Variants in SCAF8 observed in about 807,000 individuals in gnomAD.
SCAF8 encodes the protein SR-related CTD associated factor 8.
SCAF8 carries 23 observed loss-of-function variants against 140.5 expected under a neutral mutation model. That is an observed-to-expected ratio of 0.16 (90% CI 0.12 to 0.23). SCAF8 has a LOEUF of 0.23. Among genes scored for constraint, SCAF8 ranks in the 10% least tolerant of loss-of-function variants. The pLI, the probability that SCAF8 is intolerant of heterozygous loss-of-function variation, is 1.00. For synonymous variants in SCAF8, 575 were observed against 528.9 expected, an observed-to-expected ratio of 1.09 and a Z score of -1.20; for missense variants, 1,397 against 1,555.7, an observed-to-expected ratio of 0.90 and a Z score of 1.72.
intron 6 of SCAF8, among the ~76,000 whole-genome samples, chr6:154,799,403 G>A (rs186796194): frequency 2.0e-5 from 3 of 151,356 alleles, no homozygotes; most frequent in African/African-American, 4.8e-5. Context: ...ACAAGCCATC[G>A]TGCCTGCACT....
chr6:154,739,830 ATAATCTC>A (rs1463728422), intron 1 of SCAF8, among the ~76,000 whole-genome samples: 1 of 152,216 alleles, frequency 6.6e-6, no homozygotes, highest in African/African-American at 2.4e-5. Flanking sequence ...AGGACTTTTT[ATAATCTC>A]ACCAACATCT....
rs115693751 is a variant in SCAF8, at chr6:154,752,098, T to A, written c.30+18168T>A. 2.0e-3 allele frequency among the ~76,000 whole-genome samples: 298 copies of A among 152,350 alleles called. 1 individual carries two copies. Among genetic ancestry groups the A allele is most frequent in the African/African-American group, 6.7e-3 (278 of 41,580 alleles). ...TTCACATTTGAACAATGATGGCTAC[T>A]TTGTGACTACTACATTTAGATTTTT... On this transcript the variant is annotated intron_variant, in intron 1 of 19. Coordinates refer to ENST00000367178, the MANE Select transcript of SCAF8 (RefSeq NM_014892.5).
intron 13 of SCAF8, among the ~76,000 whole-genome samples, chr6:154,816,483 T>G (rs979037558): frequency 1.4e-5 from 2 of 147,700 alleles, no homozygotes; most frequent in Non-Finnish European, 3.0e-5. Flanking sequence ...GTTAGCTATT[T>G]TAATTGTTCT....
At chr6:154,791,714 T>C (rs1206244783) in intron 4 of SCAF8, among the ~76,000 whole-genome samples, 1 of 152,152 alleles carries the variant, frequency 6.6e-6, no homozygotes, top group African/African-American at 2.4e-5. Flanking sequence ...ATCGTAAATA[T>C]TTCATGAATT....
In SCAF8 at chr6:154,786,423, C is replaced by T. The variant is rs576761744; in HGVS notation, c.160-1438C>T. Among the ~76,000 whole-genome samples the T allele has an allele frequency of 5.9e-5, 9 of 152,360 alleles. 1 individual carries two copies. Among genetic ancestry groups the T allele is most frequent in the Admixed American group, 4.6e-4 (7 of 15,312 alleles). ...GGAGCAATTTGGGGAGGTTCAGACT[C>T]TTGCAGCCAGAGGCTGCGTGACCCT... On this transcript the variant is annotated intron_variant, in intron 3 of 19. Transcript: ENST00000367178.
chr6:154,808,777 C>A lies in SCAF8; in HGVS notation c.1205C>A (p.Thr402Lys), dbSNP rs1056014022. Reference sequence around the variant, plus strand: ...GTGGCGGTTCGCTCAAGATCAAGAACACATTCACGATCTCGTTCAAGGTTC... The same window carrying A: ...GTGGCGGTTCGCTCAAGATCAAGAAAACATTCACGATCTCGTTCAAGGTTC... ...KKVAVRSRSRTHSRSRSRSPR... is the reference protein window; with the variant it reads ...KKVAVRSRSRKHSRSRSRSPR... The change falls in exon 11 of 20, where the codon ACA becomes AAA. Residue 402 changes from threonine to lysine, a missense_variant. Physicochemically the swap from Thr to Lys is moderately conservative, Grantham distance 78. Around this residue, in one of 5 missense-constraint regions of SCAF8, gnomAD observed 339 missense variants for 407.5 expected, o/e 0.83. Transcript: ENST00000367178. The A allele has an allele frequency of 6.2e-7, 1 of 1,611,536 alleles. No homozygotes were observed. Among genetic ancestry groups the A allele is most frequent in the African/African-American group, 1.3e-5 (1 of 74,864 alleles).
intron 1 of SCAF8, among the ~76,000 whole-genome samples, chr6:154,745,782 T>G (rs1198900683): frequency 3.3e-5 from 5 of 152,058 alleles, no homozygotes; most frequent in African/African-American, 4.8e-5. Flanking sequence ...ATTTTCGGAG[T>G]CTATCATTTT....
intron 1 of SCAF8, among the ~76,000 whole-genome samples, chr6:154,761,304 G>T (rs1776390233): frequency 6.6e-6 from 1 of 152,080 alleles, no homozygotes; most frequent in African/African-American, 2.4e-5. Context: ...TGGGCAACAT[G>T]GTGAAACCCC....
At chr6:154,823,433 G>A (rs1040771868) in intron 16 of SCAF8, among the ~76,000 whole-genome samples, 6 of 152,176 alleles carry the variant, frequency 3.9e-5, no homozygotes, top group African/African-American at 9.7e-5. Context: ...CTTCTGGAGT[G>A]TCTATTGCAC....
At position 154,733,598 on chromosome 6, in the gene SCAF8, A is replaced by G. The variant is rs1778319231; in HGVS notation, c.-303A>G. On this transcript the variant is annotated 5_prime_UTR_variant, in exon 1 of 20. Transcript: ENST00000367178. The stretch of plus-strand genomic sequence containing the variant: ...GGGGGACCGAAACGGAGCGGGGCAG[A>G]GAAGAGAAGGCGCCGCGGCCCAGCC... The G allele has an allele frequency of 4.7e-6, 6 of 1,290,244 alleles. No individual in the cohort carries two copies. Among genetic ancestry groups the G allele is most frequent in the Middle Eastern group, 2.9e-4 (1 of 3,448 alleles). 79.9% of individuals were successfully genotyped at this position (1,290,244 alleles called of 1,614,324 possible). A position where few individuals can be genotyped will look rare whatever the true frequency, so the allele number is the denominator to read the frequency against.
chr6:154,807,383 TA>T (rs548681493), intron 9 of SCAF8, among the ~76,000 whole-genome samples: 58 of 152,322 alleles, frequency 3.8e-4, no homozygotes, highest in African/African-American at 1.3e-3. Flanking sequence ...AAGAGAGTGG[TA>T]AAACTAGAAC....
At chr6:154,766,902 A>G (rs1776588204) in intron 1 of SCAF8, among the ~76,000 whole-genome samples, 2 of 151,970 alleles carry the variant, frequency 1.3e-5, no homozygotes, top group South Asian at 4.1e-4. Flanking sequence ...AGCATTGACA[A>G]TCCTTTTTAT....
intron 2 of SCAF8, among the ~76,000 whole-genome samples, chr6:154,774,910 A>G (rs1776875042): frequency 6.6e-6 from 1 of 152,208 alleles, no homozygotes; most frequent in African/African-American, 2.4e-5. Flanking sequence ...CCCCTAGGCT[A>G]AGATTCCCTG....
At position 154,808,760 on chromosome 6, in the gene SCAF8, T is replaced by C; in HGVS notation, c.1188T>C (p.Val396=). 1.2e-6 allele frequency: 2 copies of C among 1,613,754 alleles called. No homozygotes were observed. The highest frequency in any genetic ancestry group is 1.7e-6 in the Non-Finnish European group (2 of 1,179,724). ...AACAAGAAGCTAAGAAAGTGGCGGT[T>C]CGCTCAAGATCAAGAACACATTCAC... is the stretch of plus-strand genomic sequence containing the variant. ...VFEQEAKKVA[V]RSRSRTHSRS... The change falls in exon 11 of 20, where the codon GTT becomes GTC. Residue 396 remains valine, a synonymous_variant. Transcript: ENST00000367178.
chr6:154,776,925 A>G (rs933061483), intron 2 of SCAF8, among the ~76,000 whole-genome samples: 1 of 152,262 alleles, frequency 6.6e-6, no homozygotes, highest in Admixed American at 6.5e-5. Context: ...TCACGCCTAT[A>G]CTTCCAGCAC....
chr6:154,811,344 C>T (rs945279932), intron 12 of SCAF8, among the ~76,000 whole-genome samples: 4 of 151,246 alleles, frequency 2.6e-5, no homozygotes, highest in African/African-American at 9.7e-5. Context: ...GAGTCGCTCT[C>T]ATTTAATTTC....
intron 19 of SCAF8, 67 bp from the exon 20 acceptor site, chr6:154,831,872 T>G: frequency 7.2e-7 from 1 of 1,386,956 alleles, no homozygotes; most frequent in Non-Finnish European, 9.8e-7. Flanking sequence ...AAGTAGCTGA[T>G]TAAGCTAAAA....
intron 13 of SCAF8, among the ~76,000 whole-genome samples, chr6:154,816,634 C>G (rs1442262826): frequency 6.6e-6 from 1 of 152,178 alleles, no homozygotes; most frequent in Non-Finnish European, 1.5e-5. Flanking sequence ...CTTAATTCAT[C>G]AGGCGTCTGA....
intron 1 of SCAF8, among the ~76,000 whole-genome samples, chr6:154,764,603 T>G (rs1776508781): frequency 6.6e-6 from 1 of 152,136 alleles, no homozygotes; most frequent in Admixed American, 6.5e-5. Flanking sequence ...CAGCAGCCAC[T>G]TAAGACTTTG....
Sources: allele counts gnomAD v4.1 joint callset (sites outside exome capture counted in the v4.1 genomes callset), GRCh38; gene constraint gnomAD v4.1.1; regional missense constraint gnomAD v4.1.1; transcripts MANE v1.5; gene names NCBI Gene and HGNC (gene_info 2026-07-23, HGNC 2026-07-21).